VPS13A: variants seen among roughly 807,000 people sequenced by gnomAD.
VPS13A encodes intermembrane lipid transfer protein VPS13A.
Under a neutral mutation model 390.9 loss-of-function variants are expected in VPS13A, and 264 were observed. That is an observed-to-expected ratio of 0.68 (90% CI 0.61 to 0.75). VPS13A has a LOEUF of 0.75. Among genes scored for constraint, VPS13A ranks in the 30% least tolerant of loss-of-function variants. The pLI is 0.00. For synonymous variants in VPS13A, 1,231 were observed against 1,227.1 expected (o/e 1.00, Z -0.07); for missense variants, 3,409 against 3,733.9 (o/e 0.91, Z 2.27).
rs2131374115 is a variant in VPS13A, at chr9:77,294,525, A to G, written c.3507+1017A>G. ...ATAGGCCAAGTGTGGCAATTCTTAT[A>G]AGCAAGAAAAGTATTTGCGTGTTCA... On this transcript the variant is annotated intron_variant, in intron 32 of 71. Coordinates refer to ENST00000360280, the MANE Select transcript of VPS13A (RefSeq NM_033305.3). Among the ~76,000 whole-genome samples, 3 of 152,286 alleles carry G rather than the reference A, an allele frequency of 2.0e-5. 1 individual carries two copies. Among genetic ancestry groups the G allele is most frequent in the African/African-American group, 7.2e-5 (3 of 41,552 alleles).
chr9:77,332,256 A>G (rs1437702714), intron 46 of VPS13A, 143 bp downstream of exon 46: 2 of 638,202 alleles, frequency 3.1e-6, no homozygotes, highest in Non-Finnish European at 5.6e-6. Flanking sequence ...TAGATCTTAA[A>G]AAAGAAGTAT....
Position 77,314,533 on chromosome 9 carries a change from T to C in VPS13A, c.4281T>C (p.Leu1427=), listed in dbSNP as rs1348519950. The change falls in exon 37 of 72, where the codon CTT becomes CTC. Residue 1427 remains leucine (L), a synonymous_variant. Coordinates refer to ENST00000360280, the MANE Select transcript of VPS13A (RefSeq NM_033305.3). The part of the protein sequence containing the change: ...FTDVRDPSLK[L]AEFKLENIIS... Reference sequence around the variant, plus strand: ...ATGTTCGTGATCCTTCTCTGAAACTTGCTGAATTTAAATTGGAGAATATTA... The same window carrying C: ...ATGTTCGTGATCCTTCTCTGAAACTCGCTGAATTTAAATTGGAGAATATTA... The C allele has an allele frequency of 6.2e-7, 1 of 1,612,540 alleles. No individual in the cohort carries two copies. Among genetic ancestry groups the C allele is most frequent in the East Asian group, 2.2e-5 (1 of 44,738 alleles).
chr9:77,198,021 G>A (rs1825103518), intron 1 of VPS13A, among the ~76,000 whole-genome samples: 1 of 152,190 alleles, frequency 6.6e-6, no homozygotes, highest in South Asian at 2.1e-4. Flanking sequence ...CAGCACAGTA[G>A]CATCACTGGG....
At position 77,420,228 on chromosome 9, in the gene VPS13A, T is replaced by TA. The variant is rs1835304970; in HGVS notation, c.*4223dup. The stretch of plus-strand genomic sequence containing the variant: ...GTCAATTTTTGGCCACTCTGGCTGT[T>TA]ACAGCAAACTTTTCTCCCACTGTCA... On this transcript the variant is annotated 3_prime_UTR_variant, in exon 72 of 72. Transcript: ENST00000360280. 6.6e-6 allele frequency: 1 copy of TA among 152,266 alleles called. No individual in the cohort carries two copies. The highest frequency in any genetic ancestry group is 1.5e-5 in the Non-Finnish European group (1 of 68,044). 9.4% of individuals were successfully genotyped at this position (152,266 alleles called of 1,614,324 possible).
At chr9:77,232,942 T>C (rs1023325949) in intron 17 of VPS13A, among the ~76,000 whole-genome samples, 5 of 152,166 alleles carry the variant, frequency 3.3e-5, no homozygotes, top group East Asian at 1.9e-4. Flanking sequence ...TTACTAGTTA[T>C]AGGTTTTACT....
intron 10 of VPS13A, among the ~76,000 whole-genome samples, chr9:77,218,051 T>C (rs1368123624): frequency 2.0e-5 from 3 of 152,084 alleles, no homozygotes; most frequent in Non-Finnish European, 4.4e-5. Context: ...TGAGCAGTTT[T>C]TCATACACAT....
chr9:77,210,502 C>T, intron 6 of VPS13A, 114 bp from the exon 7 acceptor site: 1 of 1,015,492 alleles, frequency 9.8e-7, no homozygotes, highest in Non-Finnish European at 1.5e-6. Context: ...CCTTGGCCTT[C>T]CAGAGTGCTG....
intron 19 of VPS13A, among the ~76,000 whole-genome samples, chr9:77,244,098 T>A (rs1824665394): frequency 6.6e-6 from 1 of 151,888 alleles, no homozygotes; most frequent in Admixed American, 6.6e-5. Context: ...ATTAGTCAGG[T>A]TTGGTGACGT....
At chr9:77,377,203 G>GTTTTTTTTTTTTTTTTTTT (rs61562443) in intron 67 of VPS13A, among the ~76,000 whole-genome samples, 4 of 69,066 alleles carry the variant, frequency 5.8e-5, no homozygotes, top group African/African-American at 2.3e-4. Context: ...TTTTGATGCT[G>GTTTTTTTTTTTTTTTTTTT]TTTTTTTTTT....
rs1246712623 is a variant in VPS13A at position 77,247,294 on chromosome 9, G to C, written c.1936G>C (p.Asp646His). 1 of 1,605,516 alleles carries C rather than the reference G, an allele frequency of 6.2e-7. No homozygotes were observed. The highest frequency in any genetic ancestry group is 8.5e-7 in the Non-Finnish European group (1 of 1,175,248). The part of the protein sequence containing the change: ...LYIIETQKVL[D>H]LKINLKASYI... ...TATTATTGAAACACAGAAAGTTCTTGATCTCAAAATTAATTTGAAGGCTTC... is the reference window on the plus strand; with the variant it reads ...TATTATTGAAACACAGAAAGTTCTTCATCTCAAAATTAATTTGAAGGCTTC... Residue 646 changes from aspartate (D) to histidine (H), a missense_variant, in exon 20 of 72, where the codon GAT becomes CAT. Physicochemically the swap from Asp to His is moderately conservative, Grantham distance 81. Around this residue, in one of 5 missense-constraint regions of VPS13A, gnomAD observed 2,717 missense variants for 2,917.4 expected, o/e 0.93. Transcript: ENST00000360280.
chr9:77,371,049 G>A lies in VPS13A; in HGVS notation c.8977G>A (p.Gly2993Ser), dbSNP rs1243260149. 1 of 1,614,108 alleles carries A rather than the reference G, an allele frequency of 6.2e-7. No homozygotes were observed. The change falls in exon 67 of 72, where the codon GGT becomes AGT. Residue 2993 changes from glycine to serine, a missense_variant. Coordinates refer to ENST00000360280, the MANE Select transcript of VPS13A (RefSeq NM_033305.3). ...AGGAGCTCAAAAAGGAGGAGCAGCT[G>A]GTTTCTTTAAAGGTGTTGGGAAAGG... is the stretch of plus-strand genomic sequence containing the variant. ...IKGAQKGGAAGFFKGVGKGLV... is the reference protein window; with the variant it reads ...IKGAQKGGAASFFKGVGKGLV...
rs769379977 is a variant in VPS13A, at chr9:77,295,748, A to C, written c.3714A>C (p.Thr1238=). The C allele has an allele frequency of 2.5e-6, 4 of 1,614,044 alleles. No homozygotes were observed. ...TTGTTGCTGATTTTGGACTAATTACAATGACAAATACCTTTCATATGATAA... is the reference window on the plus strand; with the variant it reads ...TTGTTGCTGATTTTGGACTAATTACCATGACAAATACCTTTCATATGATAA... The part of the protein sequence containing the change: ...NVFVADFGLI[T]MTNTFHMITE... The change falls in exon 33 of 72, where the codon ACA becomes ACC. Residue 1238 remains threonine (T), a synonymous_variant. Coordinates refer to ENST00000360280, the MANE Select transcript of VPS13A (RefSeq NM_033305.3).
chr9:77,252,442 G>A (rs2131272468), intron 22 of VPS13A, 90 bp downstream of exon 22: 1 of 1,053,784 alleles, frequency 9.5e-7, no homozygotes, highest in South Asian at 1.3e-5. Flanking sequence ...TTCCTTGTGT[G>A]TGTGGTGAAA....
chr9:77,398,503 T>C (rs1419015159), intron 68 of VPS13A, among the ~76,000 whole-genome samples: 1 of 151,922 alleles, frequency 6.6e-6, no homozygotes, highest in African/African-American at 2.4e-5. Flanking sequence ...GCAACAGGAG[T>C]TTTTCGGTTC....
At chr9:77,349,130 G>T (rs1346618585) in intron 52 of VPS13A, among the ~76,000 whole-genome samples, 3 of 152,054 alleles carry the variant, frequency 2.0e-5, no homozygotes, top group Non-Finnish European at 4.4e-5. Context: ...TGTGAAAGAG[G>T]ACCATAATCC....
intron 3 of VPS13A, among the ~76,000 whole-genome samples, chr9:77,202,282 C>G (rs2183862): frequency 0.76 from 116,077 of 152,036 alleles, 45,482 homozygotes; most frequent in African/African-American, 0.94. Flanking sequence ...AGACTGTTTA[C>G]TGTAAGAGGG....
intron 70 of VPS13A, among the ~76,000 whole-genome samples, chr9:77,406,374 C>T (rs55779205): frequency 0.075 from 11,445 of 152,096 alleles, 543 homozygotes; most frequent in Middle Eastern, 0.096. Context: ...TTGATTTCTT[C>T]CCCTTCCCCC....
At chr9:77,218,918 C>G (rs1823021880) in intron 10 of VPS13A, among the ~76,000 whole-genome samples, 1 of 152,024 alleles carries the variant, frequency 6.6e-6, no homozygotes, top group African/African-American at 2.4e-5. Flanking sequence ...TGTTTTTACC[C>G]CCGGCCGTGT....
At chr9:77,255,776 T>C (rs1278560017) in intron 22 of VPS13A, among the ~76,000 whole-genome samples, 1 of 152,088 alleles carries the variant, frequency 6.6e-6, no homozygotes, top group Non-Finnish European at 1.5e-5. Flanking sequence ...AGGTTATCCA[T>C]TTGTTGGTGT....
Sources: allele counts gnomAD v4.1 joint callset (sites outside exome capture counted in the v4.1 genomes callset), GRCh38; gene constraint gnomAD v4.1.1; regional missense constraint gnomAD v4.1.1; transcripts MANE v1.5; gene names NCBI Gene and HGNC (gene_info 2026-07-23, HGNC 2026-07-21).